The following USH2A variants were observed in gnomAD, a reference collection of about 807,000 sequenced individuals.
The protein encoded by USH2A is usherin.
Under a neutral mutation model 538.9 loss-of-function variants are expected in USH2A, and 443 were observed. The observed-to-expected ratio is 0.82, with a 90% confidence interval of 0.76 to 0.89. The LOEUF is 0.89. Ranked by LOEUF, USH2A falls within the 40% of genes least tolerant of loss-of-function variation. The pLI, the probability that USH2A is intolerant of heterozygous loss-of-function variation, is 0.00. For missense variants in USH2A, 6,633 were observed against 6,324.8 expected (o/e 1.05, Z -1.65); for synonymous variants, 2,413 against 2,273.5 (o/e 1.06, Z -1.75).
intron 13 of USH2A, among the ~76,000 whole-genome samples, chr1:216,233,797 T>C (rs1558333836): frequency 6.6e-6 from 1 of 152,106 alleles, no homozygotes; most frequent in Non-Finnish European, 1.5e-5. Flanking sequence ...AATTAGAAAG[T>C]TATCAGGCAG....
chr1:215,667,569 G>A (rs745378641), intron 64 of USH2A, among the ~76,000 whole-genome samples: 13 of 151,824 alleles, frequency 8.6e-5, no homozygotes, highest in Admixed American at 3.9e-4. Context: ...GCATGGTGGC[G>A]GGCGCCTGTA....
chr1:216,207,100 C>A (rs532428385), intron 16 of USH2A, among the ~76,000 whole-genome samples, 173 bp downstream of exon 16: 2 of 152,134 alleles, frequency 1.3e-5, no homozygotes, highest in South Asian at 4.2e-4. Context: ...ATAAGCATCT[C>A]ATTTTTATTG....
chr1:216,365,390 T>A (rs2038576985), intron 3 of USH2A, among the ~76,000 whole-genome samples: 1 of 152,196 alleles, frequency 6.6e-6, no homozygotes, highest in African/African-American at 2.4e-5. Context: ...GATATGTTAC[T>A]TCTTTAAATA....
At chr1:215,907,890 T>C (rs1007813620) in intron 38 of USH2A, among the ~76,000 whole-genome samples, 1 of 151,706 alleles carries the variant, frequency 6.6e-6, no homozygotes, top group Non-Finnish European at 1.5e-5. Flanking sequence ...ATGGATGAGT[T>C]GATGGGGGAA....
intron 21 of USH2A, among the ~76,000 whole-genome samples, chr1:216,169,866 G>A (rs2034244760): frequency 6.6e-6 from 1 of 151,990 alleles, no homozygotes. Context: ...AATAACTAGG[G>A]CTGAAATCTA....
intron 3 of USH2A, among the ~76,000 whole-genome samples, chr1:216,398,531 AACAC>A (rs950867573): frequency 7.7e-6 from 1 of 129,896 alleles, no homozygotes; most frequent in Non-Finnish European, 1.6e-5. Flanking sequence ...GGAAAAACCA[AACAC>A]ACACACACAA....
At chr1:216,102,981 A>G (rs1234520540) in intron 21 of USH2A, among the ~76,000 whole-genome samples, 1 of 152,222 alleles carries the variant, frequency 6.6e-6, no homozygotes, top group Non-Finnish European at 1.5e-5. Context: ...GTGTCACTCA[A>G]CTGTACAAAC....
chr1:215,999,197 A>G, intron 33 of USH2A, 139 bp from the exon 34 acceptor site: 1 of 779,764 alleles, frequency 1.3e-6, no homozygotes, highest in East Asian at 2.7e-5. Flanking sequence ...CATTTAAAAT[A>G]AAACACTGAA....
chr1:215,669,453 ATTTTG>A (rs1657741633), intron 64 of USH2A, among the ~76,000 whole-genome samples: 1 of 152,190 alleles, frequency 6.6e-6, no homozygotes, highest in African/African-American at 2.4e-5. Context: ...TTTTAAAATA[ATTTTG>A]TTTTTAGATT....
At chr1:216,325,208 T>C in intron 6 of USH2A, 97 bp downstream of exon 6, 1 of 1,319,802 alleles carries the variant, frequency 7.6e-7, no homozygotes, top group Non-Finnish European at 1.1e-6. Context: ...CCAGAACTGT[T>C]AGGGAATATA....
intron 45 of USH2A, among the ~76,000 whole-genome samples, chr1:215,845,244 G>A (rs747099649): frequency 6.6e-6 from 1 of 152,124 alleles, no homozygotes; most frequent in Non-Finnish European, 1.5e-5. Context: ...CTCTGCTAAT[G>A]ACCTGGAACA....
intron 15 of USH2A, among the ~76,000 whole-genome samples, chr1:216,210,199 A>T (rs2035209410): frequency 6.6e-6 from 1 of 151,858 alleles, no homozygotes. Context: ...ATAGTTGTCC[A>T]TGTGTTGAAG....
chr1:216,155,627 A>C (rs1572006621), intron 21 of USH2A, among the ~76,000 whole-genome samples: 1 of 152,158 alleles, frequency 6.6e-6, no homozygotes, highest in Non-Finnish European at 1.5e-5. Flanking sequence ...CTAACCTTCA[A>C]GACTTCAGAG....
rs1347712470 is a variant in USH2A, at chr1:215,849,696, T to C, written c.8846-3663A>G. Among the ~76,000 whole-genome samples the C allele has an allele frequency of 2.6e-5, 4 of 152,172 alleles. No individual in the cohort carries two copies. In the East Asian group the frequency reaches 5.8e-4, roughly 22 times the overall value. Reference sequence around the variant, plus strand: ...AGACATATCATGGAATATTGAAACATTTTAAAGGTAAACCAAAAATTAGGA... The same window carrying C: ...AGACATATCATGGAATATTGAAACACTTTAAAGGTAAACCAAAAATTAGGA... On this transcript the variant is annotated intron_variant, in intron 44 of 71. Transcript: ENST00000307340.
At chr1:215,852,044 T>G (rs897001558) in intron 44 of USH2A, among the ~76,000 whole-genome samples, 4 of 152,234 alleles carry the variant, frequency 2.6e-5, no homozygotes, top group South Asian at 2.1e-4. Context: ...TACTTTAATG[T>G]AATAAAAGTC....
At chr1:215,664,080 T>C (rs930385322) in intron 64 of USH2A, among the ~76,000 whole-genome samples, 1 of 152,166 alleles carries the variant, frequency 6.6e-6, no homozygotes, top group East Asian at 1.9e-4. Flanking sequence ...TTCAAGGGAT[T>C]CCTTCAATGC....
At chr1:216,398,150 AG>A (rs2039246766) in intron 3 of USH2A, among the ~76,000 whole-genome samples, 1 of 152,238 alleles carries the variant, frequency 6.6e-6, no homozygotes, top group African/African-American at 2.4e-5. Flanking sequence ...TGGTAGACAA[AG>A]TCCTTTTTAT....
intron 41 of USH2A, among the ~76,000 whole-genome samples, chr1:215,880,657 A>G (rs553584820): frequency 6.6e-6 from 1 of 152,156 alleles, no homozygotes; most frequent in Non-Finnish European, 1.5e-5. Flanking sequence ...TCAAGGTCAA[A>G]CTCAGAGAGC....
intron 30 of USH2A, among the ~76,000 whole-genome samples, chr1:216,049,612 G>A (rs76058547): frequency 3.3e-5 from 5 of 152,110 alleles, no homozygotes; most frequent in East Asian, 1.9e-4. Flanking sequence ...ACCTTCAATC[G>A]CTCAGAGAAT....
Sources: gnomAD v4.1 joint callset for allele counts (sites outside exome capture counted in the v4.1 genomes callset) on GRCh38, gnomAD v4.1.1 for gene constraint, MANE v1.5 for transcripts, NCBI Gene and HGNC (gene_info 2026-07-23, HGNC 2026-07-21) for gene names.